Variants in OR2C1 observed in about 807,000 individuals in gnomAD.
The protein encoded by OR2C1 is olfactory receptor 2C1.
For missense variants in OR2C1, 468 were observed against 388.3 expected, an observed-to-expected ratio of 1.21 and a Z score of -1.73; for synonymous variants, 209 against 167.3, an observed-to-expected ratio of 1.25 and a Z score of -1.92.
At chr16:3,330,987 G>C in the OR2C1 span, among the ~76,000 whole-genome samples, 1 of 152,108 alleles carries the variant, frequency 6.6e-6, no homozygotes, top group African/African-American at 2.4e-5. Flanking sequence ...GGTTGAACTA[G>C]TTTACAGTCC....
the OR2C1 span, among the ~76,000 whole-genome samples, chr16:3,328,237 T>C: frequency 1.3e-5 from 2 of 152,344 alleles, no homozygotes; most frequent in South Asian, 4.1e-4. Context: ...CTTGCCATAA[T>C]TTATCAGTGT....
the OR2C1 span, chr16:3,323,658 C>T: frequency 2.4e-5 from 17 of 703,076 alleles, no homozygotes; most frequent in East Asian, 3.9e-4. Flanking sequence ...CTGCATACAA[C>T]AAAGGCCAAG....
the OR2C1 span, among the ~76,000 whole-genome samples, chr16:3,324,300 G>A: frequency 1.3e-5 from 2 of 151,882 alleles, no homozygotes; most frequent in African/African-American, 2.4e-5. Flanking sequence ...GCAATTCTCG[G>A]GCCTCATGCT....
At chr16:3,351,355 T>A (rs1338185953), upstream of OR2C1, among the ~76,000 whole-genome samples, 4 of 150,762 alleles carry the variant, frequency 2.7e-5, no homozygotes, top group African/African-American at 9.7e-5. Context: ...AGCCTCCCTA[T>A]TTTTTTTGCT....
At chr16:3,352,592 G>T (rs561693985), upstream of OR2C1, among the ~76,000 whole-genome samples, 3 of 151,712 alleles carry the variant, frequency 2.0e-5, no homozygotes, top group South Asian at 6.3e-4. Context: ...CTTTTTCTAA[G>T]ATTCAAACTC....
the OR2C1 span, among the ~76,000 whole-genome samples, chr16:3,339,914 C>T: frequency 3.9e-5 from 6 of 152,100 alleles, no homozygotes; most frequent in African/African-American, 9.7e-5. Flanking sequence ...TGATCTTTAG[C>T]ATCTTTTTAT....
the OR2C1 span, among the ~76,000 whole-genome samples, chr16:3,346,190 G>C: frequency 9.3e-5 from 14 of 150,550 alleles, no homozygotes; most frequent in Non-Finnish European, 1.9e-4. Flanking sequence ...TTGCTTTGCT[G>C]TGTGTGTGTG....
At chr16:3,324,164 G>A in the OR2C1 span, among the ~76,000 whole-genome samples, 1 of 152,130 alleles carries the variant, frequency 6.6e-6, no homozygotes, top group Non-Finnish European at 1.5e-5. Context: ...ACAACAGCTT[G>A]TTACACAGAA....
At chr16:3,335,390 C>A in the OR2C1 span, among the ~76,000 whole-genome samples, 4 of 151,384 alleles carry the variant, frequency 2.6e-5, no homozygotes, top group African/African-American at 7.3e-5. Context: ...TTTGTATAAT[C>A]TTTTACTTGT....
chr16:3,334,962 G>C, the OR2C1 span, among the ~76,000 whole-genome samples: 15 of 152,156 alleles, frequency 9.9e-5, no homozygotes, highest in African/African-American at 2.7e-4. Flanking sequence ...GGGATTATAG[G>C]TGTGTGCCAC....
chr16:3,343,523 G>A, the OR2C1 span, among the ~76,000 whole-genome samples: 20 of 152,152 alleles, frequency 1.3e-4, no homozygotes, highest in Non-Finnish European at 2.4e-4. Flanking sequence ...AGGCTGAGGC[G>A]GGCAGATCAC....
chr16:3,355,704 C>T (rs1320352330), upstream of OR2C1, among the ~76,000 whole-genome samples: 1 of 151,998 alleles, frequency 6.6e-6, no homozygotes, highest in Non-Finnish European at 1.5e-5. Context: ...ATTGCTTGAG[C>T]CAGGGAGAAG....
the OR2C1 span, among the ~76,000 whole-genome samples, chr16:3,330,506 A>T: frequency 6.6e-6 from 1 of 152,184 alleles, no homozygotes; most frequent in Non-Finnish European, 1.5e-5. Flanking sequence ...CAGAATGGAG[A>T]GTCCAGAAAT....
At chr16:3,343,198 A>C in the OR2C1 span, among the ~76,000 whole-genome samples, 1 of 152,196 alleles carries the variant, frequency 6.6e-6, no homozygotes, top group Non-Finnish European at 1.5e-5. Flanking sequence ...AAAATTATAA[A>C]GAAATAAATA....
chr16:3,334,181 A>T, the OR2C1 span, among the ~76,000 whole-genome samples: 1 of 148,214 alleles, frequency 6.7e-6, no homozygotes, highest in Non-Finnish European at 1.5e-5. Context: ...CTCTCTCCCC[A>T]GGCTGAAGTG....
In OR2C1 at chr16:3,356,366, G is replaced by T. The variant is rs1242510086; in HGVS notation, c.426G>T (p.Trp142Cys). ...CCATCATGAACCCCCAGCTCTGCTG[G>T]CTGCTGGCTGTGATTGCCTGCCTGG... ...YTAIMNPQLCWLLAVIACLGG... is the reference protein window; with the variant it reads ...YTAIMNPQLCCLLAVIACLGG... The change falls in exon 1 of 1, where the codon TGG (tryptophan) becomes TGT (cysteine). Residue 142 changes from tryptophan to cysteine, a missense_variant. Coordinates refer to ENST00000304936, the MANE Select transcript of OR2C1 (RefSeq NM_012368.3). 1 of 1,613,634 alleles carries T rather than the reference G, an allele frequency of 6.2e-7. No homozygotes were observed. The highest frequency in any genetic ancestry group is 2.2e-5 in the East Asian group (1 of 44,886).
At chr16:3,334,324 G>A in the OR2C1 span, among the ~76,000 whole-genome samples, 10,075 of 109,430 alleles carry the variant, frequency 0.092, 511 homozygotes, top group East Asian at 0.5. Flanking sequence ...TTTTAGTAGA[G>A]ACGGGGTTTC....
chr16:3,324,488 T>C, the OR2C1 span, among the ~76,000 whole-genome samples: 1 of 152,200 alleles, frequency 6.6e-6, no homozygotes, highest in Non-Finnish European at 1.5e-5. Flanking sequence ...AGAAAGCACA[T>C]TATGATGCAT....
chr16:3,349,099 C>A, the OR2C1 span, among the ~76,000 whole-genome samples: 1 of 152,078 alleles, frequency 6.6e-6, no homozygotes, highest in African/African-American at 2.4e-5. Flanking sequence ...GAGATAAGGC[C>A]ACCTGCCTTC....
Sources: gnomAD v4.1 joint callset for allele counts (sites outside exome capture counted in the v4.1 genomes callset) on GRCh38, gnomAD v4.1.1 for gene constraint, MANE v1.5 for transcripts, NCBI Gene and HGNC (gene_info 2026-07-23, HGNC 2026-07-21) for gene names.